MEMO1: variants seen among roughly 807,000 people sequenced by gnomAD.
MEMO1 encodes the protein protein MEMO1.
Under a neutral mutation model 45.2 loss-of-function variants are expected in MEMO1, and 6 were observed. That is an observed-to-expected ratio of 0.13 (90% CI 0.07 to 0.26). The LOEUF is 0.26. Ranked by LOEUF, MEMO1 falls within the 10% of genes least tolerant of loss-of-function variation. MEMO1 has a pLI of 1.00. For missense variants in MEMO1, 184 were observed against 370.5 expected (o/e 0.50, Z 4.13); for synonymous variants, 78 against 124.3 (o/e 0.63, Z 2.48).
chr2:31,967,044 CAT>C (rs1668708639), intron 2 of MEMO1, among the ~76,000 whole-genome samples: 1 of 151,522 alleles, frequency 6.6e-6, no homozygotes, highest in South Asian at 2.1e-4. Context: ...TAGTTATTGA[CAT>C]AATTTCATTA....
chr2:31,933,279 C>T (rs1453780665), intron 3 of MEMO1, among the ~76,000 whole-genome samples: 1 of 128,122 alleles, frequency 7.8e-6, no homozygotes, highest in Non-Finnish European at 1.6e-5. Flanking sequence ...ATCACGCCCA[C>T]ACACCAGCCT....
chr2:31,926,284 A>G (rs1683097124), intron 4 of MEMO1, among the ~76,000 whole-genome samples: 1 of 151,696 alleles, frequency 6.6e-6, no homozygotes, highest in African/African-American at 2.4e-5. Flanking sequence ...GAATAGGAGG[A>G]TCACTTGAGC....
At chr2:31,973,362 G>A (rs1002645814) in intron 2 of MEMO1, among the ~76,000 whole-genome samples, 4 of 152,034 alleles carry the variant, frequency 2.6e-5, no homozygotes, top group African/African-American at 7.3e-5. Context: ...GCTGAGGCAG[G>A]AGAATTGCTT....
At chr2:31,932,029 CAAGCTTCTCCGACTTAA>C (rs1346097349) in intron 4 of MEMO1, 21 bp downstream of exon 4, 1 of 1,560,570 alleles carries the variant, frequency 6.4e-7, no homozygotes, top group East Asian at 2.2e-5. Context: ...AATAAATTCT[CAAGCTTCTCCGACTTAA>C]AACAAAACTA....
At position 32,003,841 on chromosome 2, in the gene MEMO1, CA is replaced by C. The variant is rs546262325; in HGVS notation, c.61+6345del. ...CCAAGGCAGGAGGACTGCTTGAGAC[CA>C]GGAGTTTGAGACCAGCCTGGGCAAC... On this transcript the variant is annotated intron_variant, in intron 2 of 9. Coordinates refer to ENST00000404530, the MANE Select transcript of MEMO1 (RefSeq NM_001301833.4). 8.5e-5 allele frequency among the ~76,000 whole-genome samples: 13 copies of C among 152,174 alleles called. No individual in the cohort carries two copies. The South Asian group carries it at 2.7e-3, about 32-fold the overall frequency.
intron 7 of MEMO1, among the ~76,000 whole-genome samples, chr2:31,887,762 C>T (rs1457466461): frequency 1.3e-5 from 2 of 152,000 alleles, no homozygotes; most frequent in South Asian, 2.1e-4. Flanking sequence ...TTTGAGAAGA[C>T]AAATATGATG....
chr2:31,943,054 C>T (rs41280625), intron 3 of MEMO1, among the ~76,000 whole-genome samples: 68,332 of 151,874 alleles, frequency 0.45, 15,600 homozygotes, highest in Admixed American at 0.49. Flanking sequence ...CATTTGAGGT[C>T]GGCAGTTTAA....
chr2:31,896,757 A>G (rs1266988967), intron 6 of MEMO1, among the ~76,000 whole-genome samples: 5 of 152,240 alleles, frequency 3.3e-5, no homozygotes, highest in African/African-American at 1.2e-4. Flanking sequence ...TTTGTAAATC[A>G]TATATCTAAT....
At chr2:31,930,790 C>T (rs1231248686) in intron 4 of MEMO1, among the ~76,000 whole-genome samples, 2 of 150,110 alleles carry the variant, frequency 1.3e-5, no homozygotes, top group East Asian at 3.9e-4. Flanking sequence ...AGACTACAGG[C>T]GTGTGCCACC....
At chr2:32,003,693 G>A (rs185440322) in intron 2 of MEMO1, among the ~76,000 whole-genome samples, 1 of 152,296 alleles carries the variant, frequency 6.6e-6, no homozygotes, top group Non-Finnish European at 1.5e-5. Flanking sequence ...CATTCAGGTA[G>A]GTAGAGATTT....
At chr2:31,910,338 A>C (rs1387616276) in intron 6 of MEMO1, among the ~76,000 whole-genome samples, 1 of 152,216 alleles carries the variant, frequency 6.6e-6, no homozygotes, top group East Asian at 1.9e-4. Context: ...CAAGTACATT[A>C]GAGAAAGAAC....
intron 2 of MEMO1, among the ~76,000 whole-genome samples, chr2:31,956,100 C>T (rs1427289326): frequency 2.0e-5 from 3 of 152,142 alleles, no homozygotes; most frequent in Non-Finnish European, 2.9e-5. Flanking sequence ...GACAGTACTT[C>T]CCTAAAACAG....
intron 5 of MEMO1, among the ~76,000 whole-genome samples, chr2:31,918,255 G>A (rs921715417): frequency 5.3e-5 from 8 of 152,066 alleles, no homozygotes; most frequent in African/African-American, 1.9e-4. Flanking sequence ...TAGTTTTTAT[G>A]TAACAGGTAA....
intron 7 of MEMO1, among the ~76,000 whole-genome samples, chr2:31,888,773 G>A (rs1676533140): frequency 1.3e-5 from 2 of 152,034 alleles, no homozygotes; most frequent in South Asian, 4.1e-4. Context: ...ATAAAAGGCA[G>A]GAACTGAAAT....
intron 3 of MEMO1, among the ~76,000 whole-genome samples, chr2:31,937,960 G>A (rs1227141958): frequency 6.6e-6 from 1 of 152,190 alleles, no homozygotes; most frequent in Non-Finnish European, 1.5e-5. Flanking sequence ...TGGAAGTCAT[G>A]TAGAAAGGCA....
intron 6 of MEMO1, 142 bp downstream of exon 6, chr2:31,917,784 A>G: frequency 1.9e-6 from 1 of 537,352 alleles, no homozygotes; most frequent in Non-Finnish European, 3.2e-6. Context: ...CCAACAATCC[A>G]CCTTAAGACA....
chr2:31,872,693 G>A (rs1673958945), intron 8 of MEMO1, among the ~76,000 whole-genome samples: 1 of 152,052 alleles, frequency 6.6e-6, no homozygotes, highest in African/African-American at 2.4e-5. Context: ...TGAGATGATG[G>A]GAGTTAAGAA....
At chr2:31,914,961 TAAAAAA>T (rs34556047) in intron 6 of MEMO1, among the ~76,000 whole-genome samples, 151 of 120,224 alleles carry the variant, frequency 1.3e-3, no homozygotes, top group Middle Eastern at 4.5e-3. Context: ...TGTCTCTTTT[TAAAAAA>T]AAAAAAAAAA....
intron 2 of MEMO1, among the ~76,000 whole-genome samples, chr2:32,005,920 G>C (rs1455439891): frequency 6.6e-6 from 1 of 152,170 alleles, no homozygotes; most frequent in African/African-American, 2.4e-5. Flanking sequence ...CACCAGGGTA[G>C]GTTTCTTGGA....
Sources: gnomAD v4.1 joint callset for allele counts (sites outside exome capture counted in the v4.1 genomes callset) on GRCh38, gnomAD v4.1.1 for gene constraint, MANE v1.5 for transcripts, NCBI Gene and HGNC (gene_info 2026-07-23, HGNC 2026-07-21) for gene names.